The following SUN3 variants were observed in gnomAD, a reference collection of about 807,000 sequenced individuals.
SUN3 encodes SUN domain-containing protein 3.
Under a neutral mutation model 48.2 loss-of-function variants are expected in SUN3, and 36 were observed. That is an observed-to-expected ratio of 0.75 (90% CI 0.57 to 0.99). The LOEUF (loss-of-function observed/expected upper bound fraction) is 0.99, where lower values mean the gene tolerates loss of function less well. Among genes scored for constraint, SUN3 ranks in the 50% least tolerant of loss-of-function variants. The pLI, the probability that SUN3 is intolerant of heterozygous loss-of-function variation, is 0.00. For missense variants in SUN3, 419 were observed against 433.1 expected, an observed-to-expected ratio of 0.97 and a Z score of 0.29; for synonymous variants, 148 against 147.9, an observed-to-expected ratio of 1.00 and a Z score of 0.00.
At chr7:48,029,780 A>G (rs987027886), upstream of SUN3, among the ~76,000 whole-genome samples, 4 of 152,336 alleles carry the variant, frequency 2.6e-5, no homozygotes, top group Admixed American at 2.0e-4. Flanking sequence ...CATAAATTCT[A>G]CGATGACAGT....
chr7:47,995,324 G>C (rs950940052), intron 7 of SUN3, among the ~76,000 whole-genome samples: 18 of 151,822 alleles, frequency 1.2e-4, no homozygotes, highest in Non-Finnish European at 1.2e-4. Flanking sequence ...GATGAAGAAA[G>C]ATGGTGCTGG....
chr7:47,998,419 T>G (rs1377136153), intron 6 of SUN3, among the ~76,000 whole-genome samples: 15 of 151,680 alleles, frequency 9.9e-5, no homozygotes, highest in Admixed American at 9.8e-4. Flanking sequence ...GGTTGTCTGT[T>G]TGCTTAATTG....
intron 8 of SUN3, chr7:47,991,042 G>C (rs1247011968): frequency 4.4e-6 from 2 of 454,774 alleles, no homozygotes; most frequent in South Asian, 3.1e-5. Flanking sequence ...ATATACCTCT[G>C]AACCTAAAAT....
intron 2 of SUN3, among the ~76,000 whole-genome samples, chr7:48,019,133 G>A (rs959203522): frequency 6.6e-6 from 1 of 152,236 alleles, no homozygotes; most frequent in South Asian, 2.1e-4. Flanking sequence ...TTGAGTCTGT[G>A]AACAGAAAGA....
At chr7:48,035,881 C>T in the SUN3 span, among the ~76,000 whole-genome samples, 7 of 152,008 alleles carry the variant, frequency 4.6e-5, no homozygotes, top group African/African-American at 1.4e-4. This position sits in a 1 kb window ranked among gnomAD's most constrained non-coding sequence, Gnocchi z 4.0. Flanking sequence ...ACTGGATACC[C>T]GGCGTGACGT....
At chr7:47,990,408 C>G (rs1448598164) in intron 8 of SUN3, among the ~76,000 whole-genome samples, 1 of 152,096 alleles carries the variant, frequency 6.6e-6, no homozygotes, top group Non-Finnish European at 1.5e-5. Flanking sequence ...CCACTATTAC[C>G]CTATTGTCCT....
chr7:48,007,132 A>AGCCCCAACC, intron 5 of SUN3, 33 bp downstream of exon 5: 1 of 1,373,838 alleles, frequency 7.3e-7, no homozygotes, highest in Non-Finnish European at 1.0e-6. Flanking sequence ...CCACCACCCC[A>AGCCCCAACC]CCCTGCCCAA....
intron 6 of SUN3, among the ~76,000 whole-genome samples, chr7:48,001,218 C>G (rs1583754206): frequency 6.6e-6 from 1 of 152,204 alleles, no homozygotes; most frequent in East Asian, 1.9e-4. Flanking sequence ...AGTTATTTTT[C>G]CTGATCCTCT....
At position 48,007,410 on chromosome 7, in the gene SUN3, G is replaced by A. The variant is rs1789557225; in HGVS notation, c.330-83C>T. ...TGTTGCTGGGCTCCACCCGCCATGT[G>A]ATGAGGTGCTTTATATTGTTGAAGA... On this transcript the variant is annotated intron_variant, in intron 4 of 9. Transcript: ENST00000297325. 1.8e-5 allele frequency: 23 copies of A among 1,277,104 alleles called. No individual in the cohort carries two copies. The South Asian group carries it at 3.0e-4, about 17-fold the overall frequency. The allele number at this position is 1,277,104 out of a possible 1,614,324, so 79.1% of individuals were successfully genotyped here. A position where few individuals can be genotyped will look rare whatever the true frequency, so the allele number is the denominator to read the frequency against.
At chr7:48,014,614 A>C (rs1287369693) in intron 3 of SUN3, among the ~76,000 whole-genome samples, 1 of 152,228 alleles carries the variant, frequency 6.6e-6, no homozygotes, top group East Asian at 1.9e-4. Context: ...GAATTTCAGA[A>C]AGAAACCAAT....
At chr7:48,005,900 G>T in intron 6 of SUN3, 69 bp downstream of exon 6, 25 of 902,200 alleles carry the variant, frequency 2.8e-5, no homozygotes, top group Non-Finnish European at 4.2e-5. Flanking sequence ...AACAAATGTA[G>T]AGAATAGGGA....
intron 6 of SUN3, 99 bp downstream of exon 6, chr7:48,005,870 A>C: frequency 5.5e-6 from 3 of 545,530 alleles, no homozygotes; most frequent in African/African-American, 2.1e-5. Context: ...AAGTTACCAG[A>C]TAAATATGTT....
At position 48,027,381 on chromosome 7, in the gene SUN3, T is replaced by C. The variant is rs1463865248; in HGVS notation, c.122+1436A>G. The stretch of plus-strand genomic sequence containing the variant: ...TTTAAGTGTATTTTCAAGAGAGACA[T>C]TGATGGGTCATAGGATACATGCATA... On this transcript the variant is annotated intron_variant, in intron 1 of 9. Coordinates refer to ENST00000297325, the MANE Select transcript of SUN3 (RefSeq NM_001030019.2). 2.6e-5 allele frequency among the ~76,000 whole-genome samples: 4 copies of C among 152,160 alleles called. No individual in the cohort carries two copies. The South Asian group carries it at 6.2e-4, about 24-fold the overall frequency.
intron 7 of SUN3, among the ~76,000 whole-genome samples, chr7:47,994,795 T>C (rs1583745843): frequency 6.6e-6 from 1 of 151,690 alleles, no homozygotes; most frequent in South Asian, 2.1e-4. Context: ...TGGTGACCAT[T>C]GTGATCATTG....
chr7:47,996,562 G>A (rs1029106672), intron 6 of SUN3, among the ~76,000 whole-genome samples: 1 of 152,082 alleles, frequency 6.6e-6, no homozygotes, highest in African/African-American at 2.4e-5. Flanking sequence ...TGTCCTTCAA[G>A]TTACATTTGT....
At chr7:47,992,126 C>T (rs1291466005) in intron 8 of SUN3, among the ~76,000 whole-genome samples, 1 of 152,152 alleles carries the variant, frequency 6.6e-6, no homozygotes, top group African/African-American at 2.4e-5. Context: ...CGAAATGGCC[C>T]GACCAGATGA....
Position 47,987,398 on chromosome 7 carries a change from A to G in SUN3, c.1006T>C (p.Trp336Arg), listed in dbSNP as rs757064981. 1.5e-5 allele frequency: 24 copies of G among 1,606,616 alleles called. No homozygotes were observed. The highest frequency in any genetic ancestry group is 2.0e-5 in the Non-Finnish European group (23 of 1,176,432). ...AAACAAGTATACTTCGGGTGTCCCC[A>G]GTTGCTAAAGATATTAAGTTTCACA... ...LCVKLNIFSNWGHPKYTCLYR... is the reference protein window; with the variant it reads ...LCVKLNIFSNRGHPKYTCLYR... Residue 336 changes from tryptophan to arginine, a missense_variant, in exon 10 of 10, where the codon TGG (tryptophan) becomes CGG (arginine). Physicochemically the swap from Trp to Arg is moderately radical, Grantham distance 101. Coordinates refer to ENST00000297325, the MANE Select transcript of SUN3 (RefSeq NM_001030019.2).
At chr7:47,990,245 C>G (rs561816485) in intron 8 of SUN3, among the ~76,000 whole-genome samples, 1 of 152,152 alleles carries the variant, frequency 6.6e-6, no homozygotes, top group Non-Finnish European at 1.5e-5. Context: ...AGGAGAAAAC[C>G]GCCTTAGGGC....
intron 9 of SUN3, among the ~76,000 whole-genome samples, 170 bp from the exon 10 acceptor site, chr7:47,987,619 T>C (rs1054643176): frequency 1.3e-5 from 2 of 152,036 alleles, no homozygotes; most frequent in Non-Finnish European, 2.9e-5. Context: ...TTGCCACCTC[T>C]ACCTCCTGGG....
Sources: gnomAD v4.1 joint callset for allele counts (sites outside exome capture counted in the v4.1 genomes callset) on GRCh38, gnomAD v4.1.1 for gene constraint, Gnocchi (gnomAD v3.1) non-coding constraint, MANE v1.5 for transcripts, NCBI Gene and HGNC (gene_info 2026-07-23, HGNC 2026-07-21) for gene names.